LRRC49: variants seen among roughly 807,000 people sequenced by gnomAD.
The protein encoded by LRRC49 is leucine rich repeat containing 49.
In LRRC49, 50 loss-of-function variants were observed where a neutral mutation model predicts 83.3. That is an observed-to-expected ratio of 0.60 (90% CI 0.48 to 0.76). The LOEUF is 0.76. Ranked by LOEUF, LRRC49 falls within the 30% of genes least tolerant of loss-of-function variation. The pLI is 0.00. For missense variants in LRRC49, 704 were observed against 809.1 expected (o/e 0.87, Z 1.58); for synonymous variants, 286 against 283.3 (o/e 1.01, Z -0.10).
At chr15:70,876,801 T>G (rs994668925) in intron 2 of LRRC49, among the ~76,000 whole-genome samples, 4 of 152,198 alleles carry the variant, frequency 2.6e-5, no homozygotes, top group Non-Finnish European at 4.4e-5. Flanking sequence ...ATGCCATCTC[T>G]AACAAATTTA....
At chr15:71,036,663 T>C (rs2141297671) in intron 14 of LRRC49, among the ~76,000 whole-genome samples, 1 of 152,330 alleles carries the variant, frequency 6.6e-6, no homozygotes, top group Admixed American at 6.5e-5. Context: ...AATCTTGCCA[T>C]GATATGCTCA....
chr15:70,931,636 C>T (rs1032107904), intron 7 of LRRC49, among the ~76,000 whole-genome samples: 9 of 152,104 alleles, frequency 5.9e-5, no homozygotes, highest in African/African-American at 1.7e-4. Context: ...TTTCATTGCT[C>T]TTATAAATTT....
In LRRC49 at chr15:70,910,468, T is replaced by A. The variant is rs534583694; in HGVS notation, c.501-1064T>A. Among the ~76,000 whole-genome samples the A allele has an allele frequency of 2.0e-5, 3 of 152,280 alleles. No homozygotes were observed. In the South Asian group the frequency reaches 6.2e-4, roughly 32 times the overall value. ...CTGAAAACAGAGAGGTGGAAGTGGT[T>A]CTTTGAGGCAGTAAACAAGGACAAC... is the stretch of plus-strand genomic sequence containing the variant. On this transcript the variant is annotated intron_variant, in intron 5 of 15. Coordinates refer to ENST00000260382, the MANE Select transcript of LRRC49 (RefSeq NM_017691.5).
chr15:70,927,603 A>C (rs750432165), intron 7 of LRRC49, among the ~76,000 whole-genome samples: 1 of 152,116 alleles, frequency 6.6e-6, no homozygotes, highest in Non-Finnish European at 1.5e-5. Flanking sequence ...GAAGGTTTAT[A>C]GTTTTACCTT....
intron 5 of LRRC49, among the ~76,000 whole-genome samples, chr15:70,905,899 A>G (rs561113003): frequency 6.6e-6 from 1 of 152,294 alleles, no homozygotes; most frequent in East Asian, 1.9e-4. Flanking sequence ...GATAGATCAG[A>G]TACTTCTATC....
intron 1 of LRRC49, among the ~76,000 whole-genome samples, chr15:70,856,704 G>A (rs542338640): frequency 2.6e-5 from 4 of 152,150 alleles, no homozygotes; most frequent in African/African-American, 9.7e-5. Flanking sequence ...AGTCCAACTC[G>A]ATCACGTTTG....
At chr15:70,991,492 A>G (rs1239247032) in intron 11 of LRRC49, among the ~76,000 whole-genome samples, 1 of 152,310 alleles carries the variant, frequency 6.6e-6, no homozygotes, top group East Asian at 1.9e-4. Flanking sequence ...GATTACTTAA[A>G]TAGTATTTAA....
At chr15:70,865,648 C>T (rs528246289) in intron 1 of LRRC49, among the ~76,000 whole-genome samples, 2 of 152,192 alleles carry the variant, frequency 1.3e-5, no homozygotes, top group African/African-American at 2.4e-5. Context: ...GATTCATGTC[C>T]GTTATCCTAA....
intron 8 of LRRC49, among the ~76,000 whole-genome samples, chr15:70,938,920 C>A (rs2035701289): frequency 6.6e-6 from 1 of 151,988 alleles, no homozygotes; most frequent in South Asian, 2.1e-4. Context: ...TAAAACCAGA[C>A]AAATTAAAAT....
intron 11 of LRRC49, among the ~76,000 whole-genome samples, chr15:70,998,837 A>T (rs2038164085): frequency 6.6e-6 from 1 of 151,910 alleles, no homozygotes; most frequent in Admixed American, 6.6e-5. Flanking sequence ...TATGCTGGAT[A>T]GTGTCCCACA....
chr15:70,930,124 G>T (rs2035352887), intron 7 of LRRC49, among the ~76,000 whole-genome samples: 1 of 152,104 alleles, frequency 6.6e-6, no homozygotes, highest in Non-Finnish European at 1.5e-5. Context: ...TCCAGTAGAG[G>T]AATCACTATT....
chr15:70,891,816 T>C (rs201385706), upstream of LRRC49: 184 of 1,521,974 alleles, frequency 1.2e-4, no homozygotes, highest in Middle Eastern at 1.0e-3. Context: ...CAGGGGTCCT[T>C]ACACAACCTT....
chr15:70,882,811 A>T (rs753423117), intron 2 of LRRC49: 5 of 1,614,214 alleles, frequency 3.1e-6, no homozygotes, highest in Non-Finnish European at 4.2e-6. Context: ...ACTTTTATGC[A>T]CTGGGCCTTC....
At chr15:70,858,754 C>A in intron 1 of LRRC49, 1 of 1,153,274 alleles carries the variant, frequency 8.7e-7, no homozygotes, top group Non-Finnish European at 1.2e-6. Context: ...AGATGTCCAC[C>A]TCTGGCCCCC....
rs532618189 is a variant in LRRC49 at position 71,023,874 on chromosome 15, ACTC to A, written c.1703+10964_1703+10966del. Among the ~76,000 whole-genome samples, 40 of 151,804 alleles carry A rather than the reference ACTC, an allele frequency of 2.6e-4. No homozygotes were observed. The South Asian group carries it at 6.0e-3, about 23-fold the overall frequency. ...GCTGCCTGCTGCCTAAGACAACTGA[ACTC>A]CTTGAGGGAGGGACAGAGGCCATCA... On this transcript the variant is annotated intron_variant, in intron 14 of 15. Transcript: ENST00000260382.
intron 5 of LRRC49, among the ~76,000 whole-genome samples, chr15:70,908,876 T>C (rs1158879225): frequency 1.3e-5 from 2 of 152,232 alleles, no homozygotes; most frequent in African/African-American, 2.4e-5. Context: ...ACTAAATTTT[T>C]CTCATAGTTA....
intron 14 of LRRC49, among the ~76,000 whole-genome samples, chr15:71,025,939 C>A (rs1452334551): frequency 6.6e-6 from 1 of 152,146 alleles, no homozygotes; most frequent in Non-Finnish European, 1.5e-5. Context: ...GACTTTAACA[C>A]CCCACTGTCA....
At chr15:71,010,687 C>T (rs1472656084) in intron 13 of LRRC49, among the ~76,000 whole-genome samples, 1 of 151,820 alleles carries the variant, frequency 6.6e-6, no homozygotes, top group East Asian at 1.9e-4. Flanking sequence ...ATTGATTCTG[C>T]TAAGCTTGTC....
chr15:70,866,339 G>T (rs2032911855), intron 1 of LRRC49, among the ~76,000 whole-genome samples: 1 of 151,840 alleles, frequency 6.6e-6, no homozygotes, highest in South Asian at 2.1e-4. Context: ...TAGAGATGGG[G>T]TTTCACCATG....
Sources: allele counts gnomAD v4.1 joint callset (sites outside exome capture counted in the v4.1 genomes callset), GRCh38; gene constraint gnomAD v4.1.1; transcripts MANE v1.5; gene names NCBI Gene and HGNC (gene_info 2026-07-23, HGNC 2026-07-21).